Variants in RBBP6 observed in about 807,000 individuals in gnomAD.
RBBP6 encodes RB binding protein 6, ubiquitin ligase.
In RBBP6, 25 loss-of-function variants were observed where a neutral mutation model predicts 167.7. The observed-to-expected ratio is 0.15, with a 90% CI of 0.11 to 0.21. The LOEUF (loss-of-function observed/expected upper bound fraction) is 0.21, where lower values mean the gene tolerates loss of function less well. Among genes scored for constraint, RBBP6 ranks in the 10% least tolerant of loss-of-function variants. The probability of loss-of-function intolerance (pLI) is 1.00; values close to 1 mark genes in which losing one functional copy is unlikely to be tolerated. For missense variants in RBBP6, 1,868 were observed against 2,134.2 expected (o/e 0.88, Z 2.46); for synonymous variants, 789 against 735.8 (o/e 1.07, Z -1.17).
chr16:24,570,759 G>GT (rs202174858), intron 17 of RBBP6, 117 bp from the exon 18 acceptor site: 2,019 of 974,148 alleles, frequency 2.1e-3, no homozygotes, highest in Non-Finnish European at 2.0e-3. Flanking sequence ...TAAGTTTTTT[G>GT]TTTTTTTTAA....
rs768678573 is a variant in RBBP6, at chr16:24,569,968, C to G, written c.3278C>G (p.Ser1093Cys). 16 of 1,598,800 alleles carry G rather than the reference C, an allele frequency of 1.0e-5. No homozygotes were observed. In the Admixed American group the frequency reaches 2.5e-4, roughly 25 times the overall value. Reference protein sequence around the residue: ...KITGTPRKAHSKSAKEHQETK... With the variant: ...KITGTPRKAHCKSAKEHQETK... ...ACTGGAACCCCCAGAAAAGCTCACT[C>G]TAAATCAGCAAAAGAACACCAAGAA... The change falls in exon 17 of 18, where the codon TCT becomes TGT. Residue 1093 changes from serine (S) to cysteine (C), a missense_variant. By Grantham distance (112) the Ser-to-Cys change is moderately radical (BLOSUM62 -1). This residue lies in a region of RBBP6 where 673 missense variants were observed against 691.5 expected (regional missense o/e 0.97). Transcript: ENST00000319715.
rs1337617729 is a variant in RBBP6 at position 24,571,707 on chromosome 16, C to T, written c.4641C>T (p.Ala1547=). 6.2e-7 allele frequency: 1 copy of T among 1,614,018 alleles called. No homozygotes were observed. The highest frequency in any genetic ancestry group is 1.7e-5 in the Admixed American group (1 of 60,020). ...SRDRKPHDHK[A]TYDTKRPNEE... ...ACAGAAAACCTCATGATCACAAAGC[C>T]ACTTATGATACTAAACGGCCAAATG... Residue 1547 remains alanine (A), a synonymous_variant, in exon 18 of 18, where the codon GCC becomes GCT. Coordinates refer to ENST00000319715, the MANE Select transcript of RBBP6 (RefSeq NM_006910.5).
chr16:24,553,509 A>G lies in RBBP6; in HGVS notation c.304-4A>G. ...TGAATGTGTGTTTAATTTTTTGTGA[A>G]CAGATTGATGACTCTTCCGCGTCTA... On this transcript the variant is annotated splice_region_variant and splice_polypyrimidine_tract_variant and intron_variant, in intron 3 of 17. Coordinates refer to ENST00000319715, the MANE Select transcript of RBBP6 (RefSeq NM_006910.5). 1 of 1,610,102 alleles carries G rather than the reference A, an allele frequency of 6.2e-7. No individual in the cohort carries two copies. Among genetic ancestry groups the G allele is most frequent in the Non-Finnish European group, 8.5e-7 (1 of 1,177,090 alleles).
In RBBP6 at chr16:24,571,230, G is replaced by T; in HGVS notation, c.4164G>T (p.Glu1388Asp). The T allele has an allele frequency of 6.2e-7, 1 of 1,612,630 alleles. No homozygotes were observed. Among genetic ancestry groups the T allele is most frequent in the Non-Finnish European group, 8.5e-7 (1 of 1,179,676 alleles). ...TGAGCCATGAAATCATACAACATGA[G>T]GTTAAAAGTTCAAAAAACTCTGCAT... ...KDVSHEIIQH[E>D]VKSSKNSASS... Residue 1388 changes from glutamate to aspartate, a missense_variant, in exon 18 of 18, where the codon GAG becomes GAT. By Grantham distance (45) the Glu-to-Asp change is conservative. Transcript: ENST00000319715.
chr16:24,556,489 A>T, intron 7 of RBBP6, 42 bp downstream of exon 7: 2 of 1,571,834 alleles, frequency 1.3e-6, no homozygotes, highest in Non-Finnish European at 1.7e-6. Context: ...GACTCCAGTC[A>T]GTCCCAGGGT....
chr16:24,561,012 C>T (rs1417298365), intron 8 of RBBP6, among the ~76,000 whole-genome samples: 1 of 151,232 alleles, frequency 6.6e-6, no homozygotes, highest in African/African-American at 2.4e-5. Context: ...CTTGGTATTA[C>T]TGGAGTTTTA....
At chr16:24,554,774 T>G (rs532683690) in intron 4 of RBBP6, 31 of 151,558 alleles carry the variant, frequency 2.0e-4, no homozygotes, top group South Asian at 4.2e-4. Context: ...GGTTTTTTTT[T>G]TTTGTTTTTT....
Position 24,540,623 on chromosome 16 carries a change from C to T in RBBP6, c.-4C>T, listed in dbSNP as rs1345027394. On this transcript the variant is annotated 5_prime_UTR_variant, in exon 1 of 18. Transcript: ENST00000319715. ...TCGCTGAACCTTAGGAATCCCTTGGCACCATGTCCTGTGTGCATTATAAAT... is the reference window on the plus strand; with the variant it reads ...TCGCTGAACCTTAGGAATCCCTTGGTACCATGTCCTGTGTGCATTATAAAT... 16 of 1,611,212 alleles carry T rather than the reference C, an allele frequency of 9.9e-6. No homozygotes were observed. The highest frequency in any genetic ancestry group is 1.4e-5 in the Non-Finnish European group (16 of 1,178,306).
At chr16:24,563,112 G>T in intron 10 of RBBP6, 87 bp from the exon 11 acceptor site, 1 of 986,272 alleles carries the variant, frequency 1.0e-6, no homozygotes, top group Non-Finnish European at 1.5e-6. Context: ...TTAACTGCAG[G>T]TGATGGGTAA....
Position 24,570,453 on chromosome 16 carries a change from G to A in RBBP6, c.3763G>A (p.Val1255Met). ...EKVKGKVRRK[V>M]TGTEGSSSTL... is the part of the protein sequence containing the mutation. ...AGTCAAAGGAAAGGTCAGACGAAAA[G>A]TGACTGGAACTGAAGGATCCAGCTC... is the stretch of plus-strand genomic sequence containing the variant. Residue 1255 changes from valine (V) to methionine (M), a missense_variant, in exon 17 of 18, where the codon GTG becomes ATG. Coordinates refer to ENST00000319715, the MANE Select transcript of RBBP6 (RefSeq NM_006910.5). 4 of 1,603,372 alleles carry A rather than the reference G, an allele frequency of 2.5e-6. No homozygotes were observed. The highest frequency in any genetic ancestry group is 3.4e-6 in the Non-Finnish European group (4 of 1,177,646).
At chr16:24,542,565 T>A (rs890635447) in intron 1 of RBBP6, among the ~76,000 whole-genome samples, 2 of 152,092 alleles carry the variant, frequency 1.3e-5, no homozygotes, top group Non-Finnish European at 2.9e-5. Flanking sequence ...TTTGAGCGAT[T>A]CTCATGCCTC....
intron 8 of RBBP6, among the ~76,000 whole-genome samples, chr16:24,560,145 T>C (rs1899015074): frequency 6.8e-6 from 1 of 146,598 alleles, no homozygotes; most frequent in Non-Finnish European, 1.5e-5. Flanking sequence ...AGAGTCTCAC[T>C]GTCTCCCAGG....
At chr16:24,541,943 T>C (rs896460920) in intron 1 of RBBP6, among the ~76,000 whole-genome samples, 1 of 152,238 alleles carries the variant, frequency 6.6e-6, no homozygotes, top group African/African-American at 2.4e-5. Flanking sequence ...TCTTGTCATG[T>C]AGAAGACCAG....
Position 24,546,021 on chromosome 16 carries a change from A to G in RBBP6, c.167-142A>G, listed in dbSNP as rs1439881391. 5 of 1,291,140 alleles carry G rather than the reference A, an allele frequency of 3.9e-6. No homozygotes were observed. The African/African-American group carries it at 6.3e-5, about 16-fold the overall frequency. 80.0% of individuals were successfully genotyped at this position (1,291,140 alleles called of 1,614,324 possible). On this transcript the variant is annotated intron_variant, in intron 1 of 17. Coordinates refer to ENST00000319715, the MANE Select transcript of RBBP6 (RefSeq NM_006910.5). Reference sequence around the variant, plus strand: ...AGGGCTTTGGATGTTTGTTCTGACAATATCAGTAATCTAGTTGCAAGGAAC... The same window carrying G: ...AGGGCTTTGGATGTTTGTTCTGACAGTATCAGTAATCTAGTTGCAAGGAAC...
At chr16:24,556,531 CT>C in intron 7 of RBBP6, 84 bp downstream of exon 7, 1 of 1,413,988 alleles carries the variant, frequency 7.1e-7, no homozygotes, top group South Asian at 1.6e-5. Flanking sequence ...TGTAACTTTG[CT>C]ACTTGGATTC....
In RBBP6 at chr16:24,548,974, C is replaced by T. The variant is rs1361816078; in HGVS notation, c.296C>T (p.Thr99Ile). 3 of 1,611,238 alleles carry T rather than the reference C, an allele frequency of 1.9e-6. No individual in the cohort carries two copies. The Admixed American group carries it at 5.0e-5, about 27-fold the overall frequency. Residue 99 changes from threonine to isoleucine, a missense_variant, in exon 3 of 18, where the codon ACA becomes ATA. Around this residue, in one of 7 missense-constraint regions of RBBP6, gnomAD observed 184 missense variants for 327.7 expected, o/e 0.56. Transcript: ENST00000319715. ...CGAACTGAACCAGCGATGGCAACTA[C>T]AAAAGCAGTATGTAAAAACACAATC... The part of the protein sequence containing the change: ...ISRTEPAMAT[T>I]KAIDDSSASI...
At chr16:24,562,278 G>A in intron 10 of RBBP6, 117 bp downstream of exon 10, 1 of 953,588 alleles carries the variant, frequency 1.0e-6, no homozygotes, top group Non-Finnish European at 1.6e-6. Context: ...AGTAATGTGG[G>A]ATGACTTGTA....
Position 24,561,994 on chromosome 16 carries a change from A to ATCT in RBBP6, c.1125_1127dup (p.Ser377dup). 6.2e-7 allele frequency: 1 copy of ATCT among 1,613,668 alleles called. No individual in the cohort carries two copies. Among genetic ancestry groups the ATCT allele is most frequent in the Non-Finnish European group, 8.5e-7 (1 of 1,179,780 alleles). On this transcript the variant is annotated inframe_insertion, in exon 10 of 18. Transcript: ENST00000319715. The stretch of plus-strand genomic sequence containing the variant: ...AAGATCCTCTTATGATTCCAGTGAC[A>ATCT]TCTTCATCAACTCACCCAGCTCCGT...
At chr16:24,558,489 G>A (rs1898972261) in intron 7 of RBBP6, 10 of 984,534 alleles carry the variant, frequency 1.0e-5, no homozygotes, top group African/African-American at 1.8e-5. Context: ...TTCTGGAATC[G>A]TGGTGATGTC....
Sources: allele counts gnomAD v4.1 joint callset (sites outside exome capture counted in the v4.1 genomes callset), GRCh38; gene constraint gnomAD v4.1.1; regional missense constraint gnomAD v4.1.1; transcripts MANE v1.5; gene names NCBI Gene and HGNC (gene_info 2026-07-23, HGNC 2026-07-21).